The following EYS variants were observed in gnomAD, a reference collection of about 807,000 sequenced individuals.
EYS encodes the protein protein eyes shut homolog.
Under a neutral mutation model 282.1 loss-of-function variants are expected in EYS, and 250 were observed. That is an observed-to-expected ratio of 0.89 (90% CI 0.80 to 0.98). The LOEUF is 0.98. Ranked by LOEUF, EYS falls within the 50% of genes least tolerant of loss-of-function variation. The pLI is 0.00. For missense variants in EYS, 4,016 were observed against 3,709.0 expected, an observed-to-expected ratio of 1.08 and a Z score of -2.15; for synonymous variants, 1,355 against 1,282.9, an observed-to-expected ratio of 1.06 and a Z score of -1.20.
At chr6:65,649,307 A>G (rs1380237399) in intron 1 of EYS, among the ~76,000 whole-genome samples, 1 of 152,052 alleles carries the variant, frequency 6.6e-6, no homozygotes, top group African/African-American at 2.4e-5. Context: ...CAAAGACCTT[A>G]ACCTATGTGT....
intron 7 of EYS, among the ~76,000 whole-genome samples, chr6:65,393,628 A>G (rs1766146401): frequency 1.3e-5 from 2 of 152,154 alleles, no homozygotes; most frequent in Non-Finnish European, 2.9e-5. Context: ...AGTTAGTTAT[A>G]TTTGTGACAT....
intron 31 of EYS, among the ~76,000 whole-genome samples, chr6:64,216,084 C>T (rs1765918295): frequency 6.6e-6 from 1 of 152,176 alleles, no homozygotes; most frequent in Admixed American, 6.5e-5. Flanking sequence ...CAAAGCTGGA[C>T]AAGTTAGCAG....
chr6:64,085,340 G>GCGCACACACACA (rs112388321), intron 31 of EYS, among the ~76,000 whole-genome samples: 3,715 of 139,792 alleles, frequency 0.027, 64 homozygotes, highest in Middle Eastern at 0.062. Flanking sequence ...ACGTGCGCGC[G>GCGCACACACACA]CACACACACA....
chr6:65,267,110 T>G (rs897148308), intron 12 of EYS, among the ~76,000 whole-genome samples: 5 of 151,600 alleles, frequency 3.3e-5, no homozygotes, highest in African/African-American at 1.2e-4. Context: ...GACAAGTACC[T>G]CGGCTTTTCA....
At chr6:65,526,679 G>A (rs552814810) in intron 2 of EYS, among the ~76,000 whole-genome samples, 2 of 152,116 alleles carry the variant, frequency 1.3e-5, no homozygotes, top group Non-Finnish European at 2.9e-5. Context: ...GGTGTCGGGC[G>A]CCTGTAGTCC....
chr6:65,323,921 T>C (rs1769546358), intron 11 of EYS, among the ~76,000 whole-genome samples: 2 of 152,016 alleles, frequency 1.3e-5, no homozygotes. Context: ...TAAGGTTCTA[T>C]TTAATCTATT....
At chr6:63,952,840 A>G (rs1765658327) in intron 35 of EYS, among the ~76,000 whole-genome samples, 1 of 152,062 alleles carries the variant, frequency 6.6e-6, no homozygotes, top group South Asian at 2.1e-4. Context: ...TTAAAACCTA[A>G]TCACACTTAT....
At chr6:64,786,579 C>T (rs1774028717) in intron 22 of EYS, among the ~76,000 whole-genome samples, 1 of 152,084 alleles carries the variant, frequency 6.6e-6, no homozygotes. Flanking sequence ...TTTATCATGT[C>T]ATTCATTCTA....
chr6:65,021,951 G>A (rs1189098166), intron 13 of EYS, among the ~76,000 whole-genome samples: 2 of 152,128 alleles, frequency 1.3e-5, no homozygotes, highest in Non-Finnish European at 2.9e-5. Context: ...TACAAGAACA[G>A]CAGCATGGGG....
intron 12 of EYS, among the ~76,000 whole-genome samples, chr6:65,163,479 T>C (rs972181891): frequency 6.6e-6 from 1 of 151,262 alleles, no homozygotes; most frequent in East Asian, 2.0e-4. Context: ...AAATTGGAAA[T>C]GTCTTTGTCA....
chr6:65,212,945 G>A (rs1316749839), intron 12 of EYS, among the ~76,000 whole-genome samples: 3 of 151,840 alleles, frequency 2.0e-5, no homozygotes, highest in African/African-American at 4.8e-5. Context: ...AAGTAAATGG[G>A]GCTTATATTT....
chr6:65,335,459 G>A (rs1415784396), intron 10 of EYS, among the ~76,000 whole-genome samples: 3 of 151,622 alleles, frequency 2.0e-5, no homozygotes, highest in African/African-American at 4.8e-5. Flanking sequence ...ACAGAGAATC[G>A]CCTTACAAAA....
chr6:65,581,008 A>G (rs1208155906), intron 2 of EYS, among the ~76,000 whole-genome samples: 1 of 152,112 alleles, frequency 6.6e-6, no homozygotes, highest in Non-Finnish European at 1.5e-5. Context: ...TGCAATGAGT[A>G]ATTTTGGCAC....
chr6:64,159,504 G>A (rs1349017884), intron 31 of EYS, among the ~76,000 whole-genome samples: 1 of 137,684 alleles, frequency 7.3e-6, no homozygotes, highest in Non-Finnish European at 1.5e-5. Flanking sequence ...AGCTTGTAGA[G>A]AGCCGAGATC....
chr6:64,339,959 G>C (rs1360764250), intron 29 of EYS, among the ~76,000 whole-genome samples: 3 of 151,526 alleles, frequency 2.0e-5, no homozygotes, highest in Admixed American at 2.0e-4. Context: ...AATACTTCTC[G>C]GGTTGTAGGT....
At chr6:65,088,796 G>A (rs1774462015) in intron 12 of EYS, among the ~76,000 whole-genome samples, 1 of 152,120 alleles carries the variant, frequency 6.6e-6, no homozygotes, top group Admixed American at 6.6e-5. Flanking sequence ...TGGAGGGCTA[G>A]GAGGAAAAAA....
At chr6:64,711,562 T>C (rs1270090041) in intron 22 of EYS, among the ~76,000 whole-genome samples, 1 of 152,210 alleles carries the variant, frequency 6.6e-6, no homozygotes, top group Non-Finnish European at 1.5e-5. Context: ...GTCTTAGGCA[T>C]CACCGGAAAA....
At position 65,317,727 on chromosome 6, in the gene EYS, A is replaced by G. The variant is rs1014901401; in HGVS notation, c.1766+17253T>C. Among the ~76,000 whole-genome samples, 20 of 152,060 alleles carry G rather than the reference A, an allele frequency of 1.3e-4. 1 individual carries two copies. The highest frequency in any genetic ancestry group is 2.4e-4 in the African/African-American group (10 of 41,382). On this transcript the variant is annotated intron_variant, in intron 11 of 42. Transcript: ENST00000503581. ...CACTGTTAAGCTCACTCACTTGGAT[A>G]CCGACAGAGCTCAATTCCTTGCTAG...
chr6:64,193,389 C>G (rs1765177889), intron 31 of EYS, among the ~76,000 whole-genome samples: 1 of 151,990 alleles, frequency 6.6e-6, no homozygotes, highest in African/African-American at 2.4e-5. Flanking sequence ...CGGCTCACTA[C>G]AAGCTCTGCC....
Sources: allele counts gnomAD v4.1 joint callset (sites outside exome capture counted in the v4.1 genomes callset), GRCh38; gene constraint gnomAD v4.1.1; transcripts MANE v1.5; gene names NCBI Gene and HGNC (gene_info 2026-07-23, HGNC 2026-07-21).